The following ABTB3 variants were observed in gnomAD, a reference collection of about 807,000 sequenced individuals.
The protein encoded by ABTB3 is ankyrin repeat- and BTB/POZ domain-containing protein 3.
At chr12:107,506,927 G>A in the ABTB3 span, among the ~76,000 whole-genome samples, 2 of 152,220 alleles carry the variant, frequency 1.3e-5, no homozygotes, top group Non-Finnish European at 2.9e-5. Flanking sequence ...TAGGTCCAAG[G>A]AGAGGAAAAG....
chr12:107,521,263 T>TTGTGTGTGTG, the ABTB3 span, among the ~76,000 whole-genome samples: 217 of 142,956 alleles, frequency 1.5e-3, 2 homozygotes, highest in Middle Eastern at 3.6e-3. Flanking sequence ...TTCATATAAG[T>TTGTGTGTGTG]TGTGTGTGTG....
At chr12:107,482,904 C>CT in the ABTB3 span, among the ~76,000 whole-genome samples, 4 of 134,842 alleles carry the variant, frequency 3.0e-5, no homozygotes, top group Non-Finnish European at 6.7e-5. Context: ...CTCTCTCTCT[C>CT]TCTTTCTTCT....
chr12:107,436,422 G>T, the ABTB3 span, among the ~76,000 whole-genome samples: 1 of 152,354 alleles, frequency 6.6e-6, no homozygotes. Flanking sequence ...GAACTCTGGG[G>T]CTGTGTTTTC....
At chr12:107,368,693 G>T in the ABTB3 span, among the ~76,000 whole-genome samples, 8 of 152,292 alleles carry the variant, frequency 5.3e-5, no homozygotes, top group South Asian at 1.7e-3. Flanking sequence ...TGCTATGCCA[G>T]TCTAGACCCC....
At chr12:107,520,791 A>G in the ABTB3 span, among the ~76,000 whole-genome samples, 1 of 152,194 alleles carries the variant, frequency 6.6e-6, no homozygotes, top group East Asian at 1.9e-4. Flanking sequence ...ACACTAAACA[A>G]TGCCAGTGGC....
chr12:107,455,058 G>A, the ABTB3 span, among the ~76,000 whole-genome samples: 4 of 152,200 alleles, frequency 2.6e-5, no homozygotes, highest in Admixed American at 2.0e-4. Flanking sequence ...TATGGAGTTA[G>A]CACCTGCTAC....
chr12:107,544,122 C>A, the ABTB3 span: 1 of 1,613,992 alleles, frequency 6.2e-7, no homozygotes, highest in South Asian at 1.1e-5. Flanking sequence ...CTTCCAAAGT[C>A]AACCTCCAGG....
chr12:107,589,158 T>G, the ABTB3 span, among the ~76,000 whole-genome samples: 1 of 152,236 alleles, frequency 6.6e-6, no homozygotes, highest in Non-Finnish European at 1.5e-5. Flanking sequence ...AGAACAATAC[T>G]TGTGTCATAG....
At chr12:107,437,709 T>A in the ABTB3 span, among the ~76,000 whole-genome samples, 1 of 152,142 alleles carries the variant, frequency 6.6e-6, no homozygotes, top group Non-Finnish European at 1.5e-5. Context: ...GCCGGAGCCA[T>A]CATGCCCAGC....
At chr12:107,474,926 G>A in the ABTB3 span, among the ~76,000 whole-genome samples, 1 of 152,218 alleles carries the variant, frequency 6.6e-6, no homozygotes, top group East Asian at 1.9e-4. Flanking sequence ...CTGTTTTAAG[G>A]GACCAGTCCC....
chr12:107,621,500 C>A, the ABTB3 span, among the ~76,000 whole-genome samples: 2 of 152,186 alleles, frequency 1.3e-5, no homozygotes, highest in African/African-American at 4.8e-5. Context: ...TTTCTTCAGC[C>A]TATACTGGGA....
At chr12:107,416,654 ATGTTT>A in the ABTB3 span, among the ~76,000 whole-genome samples, 1 of 151,690 alleles carries the variant, frequency 6.6e-6, no homozygotes, top group Non-Finnish European at 1.5e-5. Flanking sequence ...CATGTCCTCT[ATGTTT>A]TGTTTTGTTT....
the ABTB3 span, among the ~76,000 whole-genome samples, chr12:107,419,390 C>T: frequency 2.6e-5 from 4 of 152,190 alleles, no homozygotes; most frequent in Admixed American, 6.5e-5. Flanking sequence ...CTGGCCTCTG[C>T]CTGCCTGCCT....
At chr12:107,388,086 C>T in the ABTB3 span, among the ~76,000 whole-genome samples, 2 of 151,336 alleles carry the variant, frequency 1.3e-5, no homozygotes, top group Non-Finnish European at 2.9e-5. Context: ...GATTCTCCTG[C>T]CTCAGCCTTC....
chr12:107,478,824 C>G, the ABTB3 span, among the ~76,000 whole-genome samples: 2 of 152,140 alleles, frequency 1.3e-5, no homozygotes, highest in East Asian at 3.9e-4. Flanking sequence ...GGATTCCCAC[C>G]ATCTCAGCCA....
chr12:107,343,336 T>C, the ABTB3 span, among the ~76,000 whole-genome samples: 1 of 152,188 alleles, frequency 6.6e-6, no homozygotes, highest in Non-Finnish European at 1.5e-5. Context: ...TTTGTATCTC[T>C]TTCCTGCTCT....
the ABTB3 span, among the ~76,000 whole-genome samples, chr12:107,535,585 T>C: frequency 2.0e-5 from 3 of 152,042 alleles, no homozygotes; most frequent in African/African-American, 7.2e-5. Context: ...GCATACCAAA[T>C]CAACATACAA....
chr12:107,649,325 C>T, the ABTB3 span: 7 of 1,531,794 alleles, frequency 4.6e-6, no homozygotes, highest in South Asian at 5.6e-5. Context: ...GGGTGAGTGG[C>T]ACTTCTGTAA....
the ABTB3 span, among the ~76,000 whole-genome samples, chr12:107,562,762 C>T: frequency 6.6e-6 from 1 of 152,228 alleles, no homozygotes; most frequent in African/African-American, 2.4e-5. Flanking sequence ...GCTCTCCTTG[C>T]CTACAAACAC....
Sources: allele counts gnomAD v4.1 joint callset (sites outside exome capture counted in the v4.1 genomes callset), GRCh38; gene constraint gnomAD v4.1.1; transcripts MANE v1.5; gene names NCBI Gene and HGNC (gene_info 2026-07-23, HGNC 2026-07-21).